Variants in RASGRF2 observed in about 807,000 individuals in gnomAD.
The protein encoded by RASGRF2 is Ras protein specific guanine nucleotide releasing factor 2, also known as ras-specific guanine nucleotide-releasing factor 2.
Under a neutral mutation model 151.0 loss-of-function variants are expected in RASGRF2, and 76 were observed. That is an observed-to-expected ratio of 0.50 (90% CI 0.42 to 0.61). RASGRF2 has a LOEUF of 0.61. RASGRF2 is among the 20% of genes least tolerant of loss of function. The probability of loss-of-function intolerance (pLI) is 0.00; values close to 1 mark genes in which losing one functional copy is unlikely to be tolerated. For synonymous variants in RASGRF2, 504 were observed against 566.5 expected (o/e 0.89, Z 1.57); for missense variants, 1,148 against 1,564.6 (o/e 0.73, Z 4.49).
At chr5:81,180,667 G>A (rs975065837) in intron 18 of RASGRF2, among the ~76,000 whole-genome samples, 1 of 150,474 alleles carries the variant, frequency 6.6e-6, no homozygotes, top group African/African-American at 2.5e-5. Flanking sequence ...AACTGCAGTG[G>A]TATCCCCGCC....
chr5:81,157,773 T>G (rs182105485), intron 17 of RASGRF2, among the ~76,000 whole-genome samples: 106 of 152,234 alleles, frequency 7.0e-4, no homozygotes, highest in African/African-American at 2.4e-3. Context: ...TATAAAACCA[T>G]CAGATCTCAT....
rs1006301674 is a variant in RASGRF2, at chr5:81,155,933, A to C, written c.2687-24242A>C. 3.3e-5 allele frequency among the ~76,000 whole-genome samples: 5 copies of C among 152,250 alleles called. No individual in the cohort carries two copies. The East Asian group carries it at 9.7e-4, about 29-fold the overall frequency. On this transcript the variant is annotated intron_variant, in intron 17 of 26. Coordinates refer to ENST00000265080, the MANE Select transcript of RASGRF2 (RefSeq NM_006909.3). ...TTTCAGTGTTTTGGGCAACAATCTA[A>C]ACAACTTTATCTTGCCTGGGAATGT...
At chr5:80,991,961 G>T (rs1200513866) in intron 1 of RASGRF2, among the ~76,000 whole-genome samples, 2 of 152,046 alleles carry the variant, frequency 1.3e-5, no homozygotes, top group Non-Finnish European at 2.9e-5. Flanking sequence ...AGGGAATAAT[G>T]ACTCTTTGGA....
At chr5:81,045,589 A>G (rs900051380) in intron 2 of RASGRF2, among the ~76,000 whole-genome samples, 5 of 152,076 alleles carry the variant, frequency 3.3e-5, no homozygotes, top group Non-Finnish European at 5.9e-5. Flanking sequence ...AGATTTGAAG[A>G]TTTGGTTAAT....
chr5:81,194,308 G>A (rs1371964259), intron 18 of RASGRF2, among the ~76,000 whole-genome samples: 1 of 152,004 alleles, frequency 6.6e-6, no homozygotes, highest in East Asian at 1.9e-4. Flanking sequence ...AGTGAGCCAT[G>A]ATCACACCAT....
At chr5:81,168,068 C>T (rs6890433) in intron 17 of RASGRF2, among the ~76,000 whole-genome samples, 127,070 of 151,784 alleles carry the variant, frequency 0.84, 53,269 homozygotes, top group East Asian at 0.89. Context: ...TCAAGGATGA[C>T]CTCTTCCCTC....
At chr5:81,089,245 T>C (rs552728370) in intron 9 of RASGRF2, among the ~76,000 whole-genome samples, 5 of 152,320 alleles carry the variant, frequency 3.3e-5, no homozygotes, top group African/African-American at 1.2e-4. Context: ...GGATTCTTAT[T>C]TTCTATGAAA....
intron 17 of RASGRF2, among the ~76,000 whole-genome samples, chr5:81,160,709 T>TAAC (rs1052772293): frequency 2.0e-5 from 3 of 148,624 alleles, no homozygotes; most frequent in African/African-American, 7.4e-5. Context: ...ATAATAATAA[T>TAAC]AATAATAATA....
Position 81,174,602 on chromosome 5 carries a change from T to C in RASGRF2, c.2687-5573T>C, listed in dbSNP as rs114532033. 6.5e-3 allele frequency among the ~76,000 whole-genome samples: 983 copies of C among 152,368 alleles called. 8 individuals are homozygous for C. Among genetic ancestry groups the C allele is most frequent in the Non-Finnish European group, 9.3e-3 (635 of 68,036 alleles). On this transcript the variant is annotated intron_variant, in intron 17 of 26. Coordinates refer to ENST00000265080, the MANE Select transcript of RASGRF2 (RefSeq NM_006909.3). The stretch of plus-strand genomic sequence containing the variant: ...TTTCATAGCAAAGCACAAACTTGAT[T>C]ACCCAGGATTTCAGGGAAATTAATG...
At position 81,112,766 on chromosome 5, in the gene RASGRF2, T is replaced by C. The variant is rs763625901; in HGVS notation, c.1995T>C (p.Phe665=). 1.9e-6 allele frequency: 3 copies of C among 1,614,242 alleles called. No homozygotes were observed. The East Asian group carries it at 6.7e-5, about 36-fold the overall frequency. The change falls in exon 14 of 27, where the codon TTT becomes TTC. Residue 665 remains phenylalanine (F), a synonymous_variant. Coordinates refer to ENST00000265080, the MANE Select transcript of RASGRF2 (RefSeq NM_006909.3). ...RFLSIDFLNT[F]LHTYRIFTTA... is the part of the protein sequence containing the mutation. ...TTAGTATTGATTTCCTCAACACCTT[T>C]CTGCACACCTATCGTATTTTCACTA...
chr5:81,029,563 C>T (rs1289356104), intron 1 of RASGRF2, among the ~76,000 whole-genome samples: 5 of 152,320 alleles, frequency 3.3e-5, no homozygotes, highest in Admixed American at 3.3e-4. Flanking sequence ...CCAGCAAACT[C>T]CAACATACCT....
At chr5:81,021,796 G>A (rs555254803) in intron 1 of RASGRF2, among the ~76,000 whole-genome samples, 1 of 152,318 alleles carries the variant, frequency 6.6e-6, no homozygotes, top group East Asian at 1.9e-4. Context: ...TAATCATAGG[G>A]TGGCCAATGA....
At chr5:80,971,603 T>A (rs1747936803) in intron 1 of RASGRF2, among the ~76,000 whole-genome samples, 1 of 150,782 alleles carries the variant, frequency 6.6e-6, no homozygotes, top group Non-Finnish European at 1.5e-5. Flanking sequence ...TCTTACTCTG[T>A]CATCCAGGCT....
intron 1 of RASGRF2, among the ~76,000 whole-genome samples, chr5:81,025,372 C>CCTTA (rs2112346688): frequency 6.6e-6 from 1 of 152,306 alleles, no homozygotes; most frequent in Non-Finnish European, 1.5e-5. Context: ...CAGGAATGAC[C>CCTTA]CTTAGCAAGC....
intron 15 of RASGRF2, among the ~76,000 whole-genome samples, chr5:81,116,950 T>G (rs957628430): frequency 3.9e-5 from 6 of 152,198 alleles, no homozygotes; most frequent in African/African-American, 1.4e-4. Context: ...TCAATAGACA[T>G]TTTGGTTGCT....
chr5:81,007,852 C>A (rs757314457), intron 1 of RASGRF2, among the ~76,000 whole-genome samples: 3 of 152,026 alleles, frequency 2.0e-5, no homozygotes, highest in Non-Finnish European at 4.4e-5. Flanking sequence ...AGATCCGATG[C>A]AGCTTCTCAT....
intron 17 of RASGRF2, among the ~76,000 whole-genome samples, chr5:81,148,380 T>C (rs13155998): frequency 0.18 from 26,644 of 152,186 alleles, 2,547 homozygotes; most frequent in Middle Eastern, 0.31. Flanking sequence ...TTCAGCCACT[T>C]CCTGCATATA....
intron 19 of RASGRF2, among the ~76,000 whole-genome samples, chr5:81,205,484 C>A (rs1445867486): frequency 1.3e-5 from 2 of 152,192 alleles, no homozygotes; most frequent in Non-Finnish European, 2.9e-5. Context: ...GGAGATAGTG[C>A]ATGTCAAATG....
chr5:81,036,403 TATTA>T (rs1323002316), intron 1 of RASGRF2, among the ~76,000 whole-genome samples: 1 of 152,144 alleles, frequency 6.6e-6, no homozygotes, highest in Non-Finnish European at 1.5e-5. Flanking sequence ...GAAATATTGT[TATTA>T]ATTCTTATTA....
Sources: allele counts gnomAD v4.1 joint callset (sites outside exome capture counted in the v4.1 genomes callset), GRCh38; gene constraint gnomAD v4.1.1; transcripts MANE v1.5; gene names NCBI Gene and HGNC (gene_info 2026-07-23, HGNC 2026-07-21).